SLC4A7: variants seen among roughly 807,000 people sequenced by gnomAD.
SLC4A7 encodes solute carrier family 4 member 7.
Under a neutral mutation model 137.6 loss-of-function variants are expected in SLC4A7, and 51 were observed. The observed-to-expected ratio is 0.37, with a 90% confidence interval of 0.30 to 0.47. The LOEUF (loss-of-function observed/expected upper bound fraction) is 0.47. SLC4A7 is among the 20% of genes least tolerant of loss of function. The pLI is 1.00. For synonymous variants in SLC4A7, 542 were observed against 518.6 expected, an observed-to-expected ratio of 1.05 and a Z score of -0.61; for missense variants, 1,247 against 1,525.4, an observed-to-expected ratio of 0.82 and a Z score of 3.04.
At chr3:27,470,363 C>T (rs906335282) in intron 1 of SLC4A7, among the ~76,000 whole-genome samples, 2 of 151,756 alleles carry the variant, frequency 1.3e-5, no homozygotes, top group African/African-American at 2.4e-5. Flanking sequence ...AAGTAAGCTA[C>T]TATTAATGAA....
In SLC4A7 at chr3:27,383,197, T is replaced by G. The variant is rs370729937; in HGVS notation, c.3546A>C (p.Glu1182Asp). 6.8e-6 allele frequency: 11 copies of G among 1,613,356 alleles called. No individual in the cohort carries two copies. The highest frequency in any genetic ancestry group is 9.3e-6 in the Non-Finnish European group (11 of 1,179,322). Residue 1182 changes from glutamate to aspartate, a missense_variant, in exon 24 of 26, where the codon GAA becomes GAC. By Grantham distance (45) the Glu-to-Asp change is conservative (BLOSUM62 2). Around this residue, in one of 6 missense-constraint regions of SLC4A7, gnomAD observed 290 missense variants for 323.8 expected, o/e 0.90. Transcript: ENST00000454389. ...DDDDTVHLPF[E>D]GGSLLQIPVK... ...CTGGAATTTGCAAGAGACTTCCCCCTTCAAATGGAAGGTGCACAGTATCAT... is the reference window on the plus strand; with the variant it reads ...CTGGAATTTGCAAGAGACTTCCCCCGTCAAATGGAAGGTGCACAGTATCAT...
rs761969100 is a variant in SLC4A7 at position 27,391,763 on chromosome 3, C to T, written c.3163G>A (p.Val1055Ile). 3.8e-6 allele frequency: 6 copies of T among 1,592,702 alleles called. No homozygotes were observed. The highest frequency in any genetic ancestry group is 3.4e-5 in the Admixed American group (2 of 58,708). The change falls in exon 21 of 26, where the codon GTT becomes ATT. Residue 1055 changes from valine to isoleucine, a missense_variant. Physicochemically the swap from Val to Ile is conservative, Grantham distance 29 (BLOSUM62 3). Around this residue, in one of 6 missense-constraint regions of SLC4A7, gnomAD observed 290 missense variants for 323.8 expected, o/e 0.90. Transcript: ENST00000454389. ...GCCTGGATTCCTTTTAATGAGGAAA[C>T]TCCCATATAAAGGAAAACACCATAC... ...VLYGVFLYMG[V>I]SSLKGIQLFD...
intron 11 of SLC4A7, among the ~76,000 whole-genome samples, chr3:27,416,304 G>A (rs1005184554): frequency 3.9e-5 from 6 of 151,980 alleles, no homozygotes; most frequent in East Asian, 1.9e-4. Context: ...CAATGACAGT[G>A]GTATGGTATT....
At chr3:27,482,944 C>T (rs2059777216) in intron 1 of SLC4A7, among the ~76,000 whole-genome samples, 1 of 152,206 alleles carries the variant, frequency 6.6e-6, no homozygotes, top group Non-Finnish European at 1.5e-5. Flanking sequence ...TGAATGACTA[C>T]TTTCCATAAC....
chr3:27,474,676 C>A (rs1184014214), intron 1 of SLC4A7, among the ~76,000 whole-genome samples: 1 of 152,018 alleles, frequency 6.6e-6, no homozygotes, highest in Non-Finnish European at 1.5e-5. Context: ...CCAGCTTGTG[C>A]AACAGTACAA....
Position 27,448,726 on chromosome 3 carries a change from C to T in SLC4A7, c.214G>A (p.Gly72Arg), listed in dbSNP as rs751146403. 37 of 1,612,202 alleles carry T rather than the reference C, an allele frequency of 2.3e-5. No homozygotes were observed. Among genetic ancestry groups the T allele is most frequent in the Non-Finnish European group, 3.0e-5 (35 of 1,178,908 alleles). ...CTTCTCCGGTGGTGATGTTTGTGTC[C>T]GCGATGCCTATGACGCCGACGACTC... ...KESRRRHRHR[G>R]HKHHHRRRKD... Residue 72 changes from glycine to arginine, a missense_variant, in exon 3 of 26, where the codon GGA becomes AGA. Gly to Arg is a moderately radical substitution (Grantham distance 125). Transcript: ENST00000454389.
At chr3:27,430,869 A>G (rs1003810120) in intron 7 of SLC4A7, among the ~76,000 whole-genome samples, 6 of 152,104 alleles carry the variant, frequency 3.9e-5, no homozygotes, top group African/African-American at 1.4e-4. Context: ...AAATAAGTTC[A>G]TGGCAAATTA....
chr3:27,389,848 T>C, intron 22 of SLC4A7, 83 bp downstream of exon 22: 2 of 1,076,400 alleles, frequency 1.9e-6, no homozygotes, highest in Non-Finnish European at 2.7e-6. Context: ...ATTCTTTTTC[T>C]CAAAATCAAT....
intron 11 of SLC4A7, among the ~76,000 whole-genome samples, chr3:27,414,396 T>C (rs1252299458): frequency 6.6e-6 from 1 of 152,182 alleles, no homozygotes; most frequent in Non-Finnish European, 1.5e-5. Flanking sequence ...ATAAGCCTAC[T>C]GTTGACTGGA....
intron 1 of SLC4A7, among the ~76,000 whole-genome samples, chr3:27,465,408 ACAG>A (rs1213464689): frequency 6.6e-6 from 1 of 151,470 alleles, no homozygotes; most frequent in Non-Finnish European, 1.5e-5. Context: ...TCAGCTACCT[ACAG>A]AAGATGGTTC....
chr3:27,434,542 G>T (rs577210319), intron 5 of SLC4A7, among the ~76,000 whole-genome samples: 16 of 152,214 alleles, frequency 1.1e-4, no homozygotes, highest in African/African-American at 3.4e-4. Flanking sequence ...TGTGTGTTGG[G>T]AATACAGCAA....
chr3:27,482,461 T>C (rs990808801), intron 1 of SLC4A7, among the ~76,000 whole-genome samples: 1 of 152,138 alleles, frequency 6.6e-6, no homozygotes, highest in Non-Finnish European at 1.5e-5. Context: ...AAACAGTTTA[T>C]TCAAAGGCTA....
intron 1 of SLC4A7, among the ~76,000 whole-genome samples, chr3:27,477,814 C>T (rs951046352): frequency 6.6e-6 from 1 of 152,144 alleles, no homozygotes; most frequent in Admixed American, 6.6e-5. Context: ...GGGGTTTCAC[C>T]GTGTTGCCCA....
intron 9 of SLC4A7, among the ~76,000 whole-genome samples, chr3:27,421,238 G>A (rs529949122): frequency 1.1e-4 from 17 of 152,068 alleles, no homozygotes; most frequent in South Asian, 4.2e-4. Flanking sequence ...AGTGGCTCAC[G>A]TCTGTAATCC....
At chr3:27,484,033 C>T (rs1404072834) in intron 1 of SLC4A7, 34 bp downstream of exon 1, 15 of 1,378,028 alleles carry the variant, frequency 1.1e-5, no homozygotes, top group Non-Finnish European at 1.3e-5. Flanking sequence ...CGCCCTCCCC[C>T]TGCGGAGGAG....
chr3:27,466,227 G>A (rs11706019), intron 1 of SLC4A7, among the ~76,000 whole-genome samples: 23,083 of 151,390 alleles, frequency 0.15, 1,938 homozygotes, highest in South Asian at 0.27. Context: ...CGAGGCGGGC[G>A]GATCACGAGG....
intron 1 of SLC4A7, among the ~76,000 whole-genome samples, chr3:27,464,054 T>C (rs1432372043): frequency 1.3e-5 from 2 of 152,000 alleles, no homozygotes; most frequent in African/African-American, 2.4e-5. Flanking sequence ...GGCGTGCCTG[T>C]TATCCCAGCT....
chr3:27,471,523 C>A (rs989172420), intron 1 of SLC4A7, among the ~76,000 whole-genome samples: 8 of 152,154 alleles, frequency 5.3e-5, no homozygotes, highest in African/African-American at 9.7e-5. Flanking sequence ...CAGGCATGCA[C>A]CACCACACCT....
intron 3 of SLC4A7, among the ~76,000 whole-genome samples, chr3:27,442,842 G>T (rs1251037461): frequency 6.6e-6 from 1 of 151,914 alleles, no homozygotes; most frequent in Non-Finnish European, 1.5e-5. Context: ...CTCACCAACT[G>T]AATTCCTGGT....
Sources: gnomAD v4.1 joint callset for allele counts (sites outside exome capture counted in the v4.1 genomes callset) on GRCh38, gnomAD v4.1.1 for gene constraint, gnomAD v4.1.1 regional missense constraint, MANE v1.5 for transcripts, NCBI Gene and HGNC (gene_info 2026-07-23, HGNC 2026-07-21) for gene names.